ZNF880: variants seen among roughly 807,000 people sequenced by gnomAD.
ZNF880 encodes zinc finger protein LOC400713.
A neutral mutation model predicts 11.8 loss-of-function variants in ZNF880; 12 were observed. That is an observed-to-expected ratio of 1.02 (90% CI 0.65 to 1.65). The LOEUF is 1.65. Among genes scored for constraint, ZNF880 ranks in the 40% most tolerant of loss-of-function variants. The probability of loss-of-function intolerance (pLI) is 0.00; values close to 1 mark genes in which losing one functional copy is unlikely to be tolerated. For synonymous variants in ZNF880, 210 were observed against 232.4 expected, an observed-to-expected ratio of 0.90 and a Z score of 0.88; for missense variants, 601 against 673.9, an observed-to-expected ratio of 0.89 and a Z score of 1.20.
At chr19:52,371,955 C>T (rs1442165613) in intron 1 of ZNF880, among the ~76,000 whole-genome samples, 1 of 151,820 alleles carries the variant, frequency 6.6e-6, no homozygotes, top group East Asian at 2.0e-4. Flanking sequence ...TTTGGGAGGC[C>T]GAGGCGGGAG....
rs1600253349 is a variant in ZNF880, at chr19:52,385,208, C to T, written c.1628C>T (p.Thr543Ile). The T allele has an allele frequency of 1.3e-6, 2 of 1,552,108 alleles. No individual in the cohort carries two copies. The highest frequency in any genetic ancestry group is 1.7e-6 in the Non-Finnish European group (2 of 1,147,356). Residue 543 changes from threonine to isoleucine, a missense_variant, in exon 4 of 4, where the codon ACT becomes ATT. Around this residue, in one of 3 missense-constraint regions of ZNF880, gnomAD observed 177 missense variants for 214.5 expected, o/e 0.83. Coordinates refer to ENST00000422689, the MANE Select transcript of ZNF880 (RefSeq NM_001145434.2). ...CTAAAAAAACATGAGAGAATTCATA[C>T]TGGGGAGAAACCGTACAGATGTCAT... ...LYLKKHERIH[T>I]GEKPYRCHEC...
At position 52,383,041 on chromosome 19, in the gene ZNF880, G is replaced by A. The variant is rs981735975; in HGVS notation, c.269-808G>A. Reference sequence around the variant, plus strand: ...TCTTTCAATTTGCTCATTGTTTTCTGTTCCTTTTGCAGTCTGCTGTTGAAT... The same window carrying A: ...TCTTTCAATTTGCTCATTGTTTTCTATTCCTTTTGCAGTCTGCTGTTGAAT... On this transcript the variant is annotated intron_variant, in intron 3 of 3. Coordinates refer to ENST00000422689, the MANE Select transcript of ZNF880 (RefSeq NM_001145434.2). Among the ~76,000 whole-genome samples the A allele has an allele frequency of 3.3e-5, 5 of 152,154 alleles. No homozygotes were observed. In the East Asian group the frequency reaches 7.7e-4, roughly 24 times the overall value.
intron 3 of ZNF880, among the ~76,000 whole-genome samples, chr19:52,381,466 T>C (rs1366149936): frequency 6.6e-6 from 1 of 152,226 alleles, no homozygotes; most frequent in Non-Finnish European, 1.5e-5. Flanking sequence ...TTTCAGCCTG[T>C]GTGTGTCCTT....
chr19:52,386,802 C>CAA (rs71180452), downstream of ZNF880, among the ~76,000 whole-genome samples: 1,134 of 79,856 alleles, frequency 0.014, 50 homozygotes, highest in East Asian at 0.034. Flanking sequence ...AACTCTGTCT[C>CAA]AAAAAAAAAA....
chr19:52,368,489 G>C (rs1986227614), upstream of ZNF880, among the ~76,000 whole-genome samples: 1 of 152,010 alleles, frequency 6.6e-6, no homozygotes, highest in Non-Finnish European at 1.5e-5. Flanking sequence ...TGGTTTGAGA[G>C]TGTTTATTAT....
upstream of ZNF880, among the ~76,000 whole-genome samples, chr19:52,368,915 G>A (rs1268165808): frequency 7.0e-6 from 1 of 141,860 alleles, no homozygotes; most frequent in Non-Finnish European, 1.5e-5. Flanking sequence ...CCAGGAGGTC[G>A]AGGCTGCAGT....
At chr19:52,369,582 C>G (rs892758764), upstream of ZNF880, among the ~76,000 whole-genome samples, 1 of 151,714 alleles carries the variant, frequency 6.6e-6, no homozygotes, top group Non-Finnish European at 1.5e-5. Flanking sequence ...TCTCTCATGC[C>G]CAGGCGGGAG....
chr19:52,369,986 C>A lies in ZNF880; in HGVS notation c.12+9C>A. 6.4e-7 allele frequency: 1 copy of A among 1,551,586 alleles called. No individual in the cohort carries two copies. The highest frequency in any genetic ancestry group is 1.2e-5 in the South Asian group (1 of 84,062). On this transcript the variant is annotated intron_variant, in intron 1 of 3. Transcript: ENST00000422689. ...CGGTCATGCTGCGGCGTGTGAGTTTCCCTTTGTTTAGATTAAATCTGGGAT... is the reference window on the plus strand; with the variant it reads ...CGGTCATGCTGCGGCGTGTGAGTTTACCTTTGTTTAGATTAAATCTGGGAT...
chr19:52,373,310 C>A, intron 2 of ZNF880, 73 bp downstream of exon 2: 1 of 1,481,280 alleles, frequency 6.8e-7, no homozygotes, highest in Non-Finnish European at 9.2e-7. Context: ...TGCCTCTTAG[C>A]ATCTTAGGAG....
At chr19:52,366,910 G>A, upstream of ZNF880, 2 of 622,066 alleles carry the variant, frequency 3.2e-6, no homozygotes, top group Non-Finnish European at 2.8e-6. Context: ...CACACTGAAA[G>A]GAAACCCTAC....
chr19:52,388,038 C>T (rs796435029), downstream of ZNF880, among the ~76,000 whole-genome samples: 23 of 136,200 alleles, frequency 1.7e-4, 4 homozygotes, highest in African/African-American at 6.7e-4. Flanking sequence ...CACCACCACG[C>T]CCGGCTAATT....
chr19:52,376,496 G>GCCCCCCCC (rs772625389), intron 3 of ZNF880, among the ~76,000 whole-genome samples: 2 of 51,190 alleles, frequency 3.9e-5, no homozygotes, highest in Admixed American at 2.9e-4. Flanking sequence ...CCTTAGCACC[G>GCCCCCCCC]CCCCCCCCCC....
chr19:52,387,490 C>G (rs1196017518), downstream of ZNF880, among the ~76,000 whole-genome samples: 1 of 139,590 alleles, frequency 7.2e-6, no homozygotes, highest in Non-Finnish European at 1.5e-5. Flanking sequence ...GCTCTGTCAC[C>G]CAGGCTGGAG....
the ZNF880 span, among the ~76,000 whole-genome samples, chr19:52,393,954 G>T: frequency 6.7e-6 from 1 of 148,790 alleles, no homozygotes; most frequent in Admixed American, 6.9e-5. Flanking sequence ...CTCCTGCCTC[G>T]GCCTCCCCAG....
intron 3 of ZNF880, among the ~76,000 whole-genome samples, chr19:52,381,405 T>C (rs1014012324): frequency 6.6e-6 from 1 of 152,240 alleles, no homozygotes; most frequent in Non-Finnish European, 1.5e-5. Context: ...CTGCTACCTG[T>C]ACTTTCTGCT....
At chr19:52,378,007 A>C (rs1986603712) in intron 3 of ZNF880, among the ~76,000 whole-genome samples, 1 of 152,056 alleles carries the variant, frequency 6.6e-6, no homozygotes, top group Non-Finnish European at 1.5e-5. Context: ...GATTGATATT[A>C]TCTCAGTCTC....
intron 3 of ZNF880, among the ~76,000 whole-genome samples, chr19:52,376,510 T>TTTC (rs1491445304): frequency 2.4e-5 from 1 of 42,462 alleles, no homozygotes; most frequent in Admixed American, 3.3e-4. Flanking sequence ...CCCCCCCCCC[T>TTTC]TTTTTTTTTT....
Position 52,369,971 on chromosome 19 carries a change from G to A in ZNF880, c.6G>A (p.Leu2=), listed in dbSNP as rs1433340495. The A allele has an allele frequency of 1.9e-6, 3 of 1,551,684 alleles. No individual in the cohort carries two copies. In the East Asian group the frequency reaches 7.3e-5, roughly 38 times the overall value. Residue 2 remains leucine (L), a synonymous_variant, in exon 1 of 4, where the codon CTG becomes CTA. Transcript: ENST00000422689. ...GATTACGTGGAGTGACGGTCATGCT[G>A]CGGCGTGTGAGTTTCCCTTTGTTTA... is the stretch of plus-strand genomic sequence containing the variant. The part of the protein sequence containing the change: M[L]RRGHLAFRDV...
chr19:52,377,365 G>A (rs1368087613), intron 3 of ZNF880, among the ~76,000 whole-genome samples: 2 of 152,088 alleles, frequency 1.3e-5, no homozygotes, highest in Non-Finnish European at 2.9e-5. Flanking sequence ...ATGCCACTCA[G>A]CAGAGAGCGC....
Sources: gnomAD v4.1 joint callset for allele counts (sites outside exome capture counted in the v4.1 genomes callset) on GRCh38, gnomAD v4.1.1 for gene constraint, gnomAD v4.1.1 regional missense constraint, MANE v1.5 for transcripts, NCBI Gene and HGNC (gene_info 2026-07-23, HGNC 2026-07-21) for gene names.